Variants in COL4A5 observed in about 807,000 individuals in gnomAD.
COL4A5 encodes the protein collagen type IV alpha 5 chain, also known as collagen alpha-5(IV) chain.
In COL4A5, 26 loss-of-function variants were observed where a neutral mutation model predicts 130.2. That is an observed-to-expected ratio of 0.20 (90% confidence interval 0.15 to 0.28). The LOEUF (loss-of-function observed/expected upper bound fraction) is 0.28. Among genes scored for constraint, COL4A5 ranks in the 10% least tolerant of loss-of-function variants. The pLI, the probability that COL4A5 is intolerant of heterozygous loss-of-function variation, is 1.00. For synonymous variants in COL4A5, 496 were observed against 439.6 expected (o/e 1.13, Z -1.60); for missense variants, 1,131 against 1,344.3 (o/e 0.84, Z 2.48).
intron 1 of COL4A5, among the ~76,000 whole-genome samples, chrX:108,526,658 T>C (rs867209828): frequency 6.8e-4 from 39 of 56,992 alleles, no homozygotes; most frequent in African/African-American, 3.0e-3. Flanking sequence ...CTTTCTTTCT[T>C]TCTTCTTTCT....
intron 1 of COL4A5, among the ~76,000 whole-genome samples, chrX:108,537,175 C>G (rs1426342479): frequency 9.0e-6 from 1 of 110,757 alleles, no homozygotes; most frequent in Non-Finnish European, 1.9e-5. Context: ...CAAACTGGGG[C>G]TATCTCCTTG....
chrX:108,501,878 T>A (rs956367543), intron 1 of COL4A5, among the ~76,000 whole-genome samples: 3 of 112,490 alleles, frequency 2.7e-5, no homozygotes, highest in Admixed American at 1.9e-4. Context: ...TCATGTTTCT[T>A]TATTTCCCTT....
intron 2 of COL4A5, among the ~76,000 whole-genome samples, chrX:108,541,492 T>A (rs184002388): frequency 5.3e-5 from 6 of 112,280 alleles, no homozygotes; most frequent in Non-Finnish European, 1.1e-4. Context: ...AGTACAGCCC[T>A]TAGTCTGCAT....
intron 48 of COL4A5, among the ~76,000 whole-genome samples, chrX:108,686,660 C>T (rs1305512763): frequency 8.9e-6 from 1 of 111,816 alleles, no homozygotes; most frequent in Non-Finnish European, 1.9e-5. Context: ...TGTACTCAAC[C>T]TACTTCCAAA....
intron 1 of COL4A5, among the ~76,000 whole-genome samples, chrX:108,504,916 T>A (rs1231452270): frequency 8.9e-6 from 1 of 111,759 alleles, no homozygotes; most frequent in Non-Finnish European, 1.9e-5. Context: ...AATAAGTTAT[T>A]GTATGAAAAA....
intron 33 of COL4A5, among the ~76,000 whole-genome samples, chrX:108,623,745 G>C (rs1440516137): frequency 8.9e-6 from 1 of 111,772 alleles, no homozygotes; most frequent in Non-Finnish European, 1.9e-5. Flanking sequence ...CCTCAAAAAA[G>C]AATTAAAAAT....
At chrX:108,498,598 AG>A (rs1351799820) in intron 1 of COL4A5, among the ~76,000 whole-genome samples, 1 of 111,404 alleles carries the variant, frequency 9.0e-6, no homozygotes, top group Non-Finnish European at 1.9e-5. Context: ...TGTTAACTGA[AG>A]AATATTTCAT....
intron 16 of COL4A5, among the ~76,000 whole-genome samples, chrX:108,581,403 A>G (rs2066246431): frequency 8.9e-6 from 1 of 111,900 alleles, no homozygotes; most frequent in Non-Finnish European, 1.9e-5. Flanking sequence ...TTATTGAGAT[A>G]TAATTTACAT....
At chrX:108,566,547 T>TTTTC (rs1293134684) in intron 4 of COL4A5, among the ~76,000 whole-genome samples, 13 of 110,886 alleles carry the variant, frequency 1.2e-4, no homozygotes, top group African/African-American at 3.6e-4. Flanking sequence ...GGTTTTTTTT[T>TTTTC]TTTCTTTCTT....
At chrX:108,640,995 A>G (rs1256288456) in intron 36 of COL4A5, among the ~76,000 whole-genome samples, 2 of 112,012 alleles carry the variant, frequency 1.8e-5, no homozygotes, top group African/African-American at 6.5e-5. Flanking sequence ...CTCATTAGTC[A>G]TTATGAAAAT....
intron 1 of COL4A5, among the ~76,000 whole-genome samples, chrX:108,527,904 A>G (rs1368935802): frequency 1.8e-5 from 2 of 111,619 alleles, no homozygotes; most frequent in African/African-American, 6.5e-5. Flanking sequence ...TGCAGCTACT[A>G]TCAACGTCAG....
chrX:108,558,197 C>A (rs2065853821), intron 2 of COL4A5, among the ~76,000 whole-genome samples: 1 of 105,754 alleles, frequency 9.5e-6, no homozygotes, highest in East Asian at 3.1e-4. Context: ...AAGTTGGAAA[C>A]CATCATTCTG....
intron 49 of COL4A5, among the ~76,000 whole-genome samples, chrX:108,691,650 TA>T (rs1044896505): frequency 1.8e-5 from 2 of 111,172 alleles, no homozygotes; most frequent in African/African-American, 3.3e-5. Flanking sequence ...GCATGATCAA[TA>T]AAAAACTTTC....
intron 18 of COL4A5, among the ~76,000 whole-genome samples, chrX:108,585,528 A>C (rs2066321682): frequency 9.0e-6 from 1 of 111,305 alleles, no homozygotes. Context: ...TTGAATCACT[A>C]TTCCAATCTT....
chrX:108,488,037 A>G, intron 1 of COL4A5, among the ~76,000 whole-genome samples: 1 of 112,477 alleles, frequency 8.9e-6, no homozygotes, highest in Middle Eastern at 4.6e-3. Flanking sequence ...TTGATTAGGT[A>G]ACACATTCAT....
intron 37 of COL4A5, among the ~76,000 whole-genome samples, chrX:108,656,381 C>A (rs2067842227): frequency 8.9e-6 from 1 of 112,008 alleles, no homozygotes; most frequent in Non-Finnish European, 1.9e-5. Flanking sequence ...GAAGAATGTA[C>A]CACAGTCAAT....
intron 37 of COL4A5, among the ~76,000 whole-genome samples, chrX:108,656,770 T>A (rs1311760964): frequency 8.9e-6 from 1 of 112,043 alleles, no homozygotes; most frequent in African/African-American, 3.2e-5. Context: ...GTATTAATCA[T>A]CTTTTTATTA....
chrX:108,476,543 T>TAC (rs200717944), intron 1 of COL4A5, among the ~76,000 whole-genome samples: 8,386 of 73,038 alleles, frequency 0.11, 1,049 homozygotes, highest in African/African-American at 0.35. Context: ...TTTTTTTTTT[T>TAC]ACCTATTAAC....
intron 36 of COL4A5, among the ~76,000 whole-genome samples, chrX:108,643,748 T>C (rs1022188154): frequency 3.6e-5 from 4 of 111,428 alleles, no homozygotes; most frequent in Non-Finnish European, 7.5e-5. Context: ...TGGAAACACA[T>C]AAAAACAGAA....
Sources: allele counts gnomAD v4.1 joint callset (sites outside exome capture counted in the v4.1 genomes callset), GRCh38; gene constraint gnomAD v4.1.1; transcripts MANE v1.5; gene names NCBI Gene and HGNC (gene_info 2026-07-23, HGNC 2026-07-21).